The following RCHY1 variants were observed in gnomAD, a reference collection of about 807,000 sequenced individuals.
The protein encoded by RCHY1 is ring finger and CHY zinc finger domain containing 1, also known as RING finger and CHY zinc finger domain-containing protein 1.
In RCHY1, 21 loss-of-function variants were observed where a neutral mutation model predicts 41.6. The ratio of observed to expected loss-of-function variants is 0.51; its 90% CI spans 0.36 to 0.73. RCHY1 has a LOEUF of 0.73. Ranked by LOEUF, RCHY1 falls within the 30% of genes least tolerant of loss-of-function variation. The pLI is 0.00. For missense variants in RCHY1, 265 were observed against 325.3 expected (o/e 0.81, Z 1.43); for synonymous variants, 79 against 102.9 (o/e 0.77, Z 1.41).
chr4:75,508,311 T>C (rs1560530638), intron 3 of RCHY1, among the ~76,000 whole-genome samples: 1 of 152,072 alleles, frequency 6.6e-6, no homozygotes, highest in Non-Finnish European at 1.5e-5. Flanking sequence ...ATACTCGAGA[T>C]TTTTAAGAAA....
intron 4 of RCHY1, 135 bp from the exon 5 acceptor site, chr4:75,492,068 G>T: frequency 1.7e-6 from 1 of 579,190 alleles, no homozygotes; most frequent in Non-Finnish European, 2.9e-6. Flanking sequence ...CTTTTTATAT[G>T]TAAGAAGAGT....
chr4:75,482,599 ATC>A lies in RCHY1; in HGVS notation c.723_724del (p.Lys241AsnfsTer3). 6.2e-7 allele frequency: 1 copy of A among 1,612,758 alleles called. No homozygotes were observed. The highest frequency in any genetic ancestry group is 1.3e-5 in the African/African-American group (1 of 74,976). The stretch of plus-strand genomic sequence containing the variant: ...TTGAGCAGTATTATAGGATTCACAA[ATC>A]TTACATTTCATGCCTAATATATGAA... On this transcript the variant is annotated frameshift_variant, in exon 9 of 9. Transcript: ENST00000324439. LOFTEE classifies it high-confidence loss of function.
intron 3 of RCHY1, among the ~76,000 whole-genome samples, chr4:75,501,117 C>A (rs1331221232): frequency 2.6e-5 from 4 of 152,140 alleles, no homozygotes; most frequent in Non-Finnish European, 4.4e-5. Flanking sequence ...TCAAGCAATT[C>A]TCCTGCCTCA....
chr4:75,507,843 C>T lies in RCHY1; in HGVS notation c.326+977G>A, dbSNP rs913759130. ...ACATACAAAACAAAACACAAAAGAG[C>T]ATATACTATATGATTCCATTCATTA... is the stretch of plus-strand genomic sequence containing the variant. On this transcript the variant is annotated intron_variant, in intron 3 of 8. Coordinates refer to ENST00000324439, the MANE Select transcript of RCHY1 (RefSeq NM_015436.4). Among the ~76,000 whole-genome samples the T allele has an allele frequency of 9.2e-5, 14 of 152,076 alleles. No homozygotes were observed. The East Asian group carries it at 1.2e-3, about 13-fold the overall frequency.
intron 3 of RCHY1, among the ~76,000 whole-genome samples, chr4:75,503,092 C>T (rs547986877): frequency 2.0e-5 from 3 of 152,246 alleles, no homozygotes; most frequent in Non-Finnish European, 4.4e-5. Flanking sequence ...CCAGATAATA[C>T]TTTGTAGCAG....
chr4:75,510,796 A>G (rs955982792), intron 1 of RCHY1, among the ~76,000 whole-genome samples: 6 of 152,214 alleles, frequency 3.9e-5, no homozygotes, highest in African/African-American at 1.4e-4. Context: ...CAAACTCATT[A>G]CTTGTTAACA....
intron 8 of RCHY1, among the ~76,000 whole-genome samples, chr4:75,489,896 T>A (rs2867921): frequency 0.65 from 99,385 of 151,910 alleles, 33,081 homozygotes; most frequent in African/African-American, 0.78. Flanking sequence ...TTATCTCACA[T>A]TTCAGAAGGG....
chr4:75,512,568 C>T (rs1429363636), intron 1 of RCHY1, among the ~76,000 whole-genome samples: 1 of 152,102 alleles, frequency 6.6e-6, no homozygotes, highest in African/African-American at 2.4e-5. Flanking sequence ...TGTATCATTT[C>T]CTAGAATATA....
rs1721362541 is a variant in RCHY1, at chr4:75,479,493, A to G, written c.*3045T>C. ...ATATGAAAATAGGTTTTAGTGAAGA[A>G]ATAAAAACTGAGTTTGATTTTAAAA... On this transcript the variant is annotated 3_prime_UTR_variant, in exon 9 of 9. Transcript: ENST00000324439. 6.6e-6 allele frequency: 1 copy of G among 152,110 alleles called. No individual in the cohort carries two copies. The highest frequency in any genetic ancestry group is 6.5e-5 in the Admixed American group (1 of 15,268). 9.4% of individuals were successfully genotyped at this position (152,110 alleles called of 1,614,324 possible). A position where few individuals can be genotyped will look rare whatever the true frequency, so the allele number is the denominator to read the frequency against.
At position 75,494,189 on chromosome 4, in the gene RCHY1, C is replaced by G; in HGVS notation, c.327-10G>C. The G allele has an allele frequency of 6.6e-7, 1 of 1,525,658 alleles. No homozygotes were observed. The highest frequency in any genetic ancestry group is 8.9e-7 in the Non-Finnish European group (1 of 1,124,526). The allele number at this position is 1,525,658 out of a possible 1,614,324, so 94.5% of individuals were successfully genotyped here. On this transcript the variant is annotated splice_polypyrimidine_tract_variant and intron_variant, in intron 3 of 8. Coordinates refer to ENST00000324439, the MANE Select transcript of RCHY1 (RefSeq NM_015436.4). ...TTCCTTTGGACCAATCCTAGCAAAA[C>G]ACATGAAAGCCAAAAGATTAGATTA...
At chr4:75,514,589 G>A, upstream of RCHY1, 1 of 282,286 alleles carries the variant, frequency 3.5e-6, no homozygotes, top group Non-Finnish European at 6.7e-6. Flanking sequence ...GTAGTTCGGC[G>A]CGAGGTTGGC....
chr4:75,504,139 A>C (rs1215152973), intron 3 of RCHY1, among the ~76,000 whole-genome samples: 1 of 152,210 alleles, frequency 6.6e-6, no homozygotes, highest in African/African-American at 2.4e-5. Context: ...TGATGATACA[A>C]ATACAAGAAG....
chr4:75,494,497 T>G, intron 3 of RCHY1: 1 of 253,544 alleles, frequency 3.9e-6, no homozygotes, highest in Non-Finnish European at 7.4e-6. Context: ...GCAACTTTTT[T>G]TCACTTGATA....
chr4:75,507,131 C>T (rs1200628370), intron 3 of RCHY1, among the ~76,000 whole-genome samples: 1 of 151,912 alleles, frequency 6.6e-6, no homozygotes, highest in East Asian at 1.9e-4. Context: ...AAAAGAAACA[C>T]TAAAGACAAT....
chr4:75,479,093 A>G lies in RCHY1; in HGVS notation c.*3445T>C, dbSNP rs1721324394. ...TTACACAGAATGGTGAGTATAATAA[A>G]TAATGCATTGTACATTTCAAAAATA... On this transcript the variant is annotated 3_prime_UTR_variant, in exon 9 of 9. Transcript: ENST00000324439. The G allele has an allele frequency of 6.6e-6, 1 of 152,152 alleles. No individual in the cohort carries two copies. Among genetic ancestry groups the G allele is most frequent in the Non-Finnish European group, 1.5e-5 (1 of 68,002 alleles). 9.4% of individuals were successfully genotyped at this position (152,152 alleles called of 1,614,324 possible).
rs1283900432 is a variant in RCHY1, at chr4:75,479,081, T to A, written c.*3457A>T. 6 of 152,096 alleles carry A rather than the reference T, an allele frequency of 3.9e-5. No homozygotes were observed. 9.4% of individuals were successfully genotyped at this position (152,096 alleles called of 1,614,324 possible). On this transcript the variant is annotated 3_prime_UTR_variant, in exon 9 of 9. Transcript: ENST00000324439. ...TTTACTGATCTATTACACAGAATGGTGAGTATAATAAATAATGCATTGTAC... is the reference window on the plus strand; with the variant it reads ...TTTACTGATCTATTACACAGAATGGAGAGTATAATAAATAATGCATTGTAC...
In RCHY1 at chr4:75,480,456, A is replaced by C. The variant is rs545646519; in HGVS notation, c.*2082T>G. 6.6e-6 allele frequency: 1 copy of C among 152,194 alleles called. No individual in the cohort carries two copies. The highest frequency in any genetic ancestry group is 1.5e-5 in the Non-Finnish European group (1 of 68,024). 9.4% of individuals were successfully genotyped at this position (152,194 alleles called of 1,614,324 possible). Reference sequence around the variant, plus strand: ...GGAGTCAAACTTGGATCTGATTCCCAACTCCAACATATAGTGTCTGTTATT... The same window carrying C: ...GGAGTCAAACTTGGATCTGATTCCCCACTCCAACATATAGTGTCTGTTATT... On this transcript the variant is annotated 3_prime_UTR_variant, in exon 9 of 9. Coordinates refer to ENST00000324439, the MANE Select transcript of RCHY1 (RefSeq NM_015436.4).
intron 1 of RCHY1, among the ~76,000 whole-genome samples, chr4:75,513,511 G>A (rs1257674567): frequency 6.6e-6 from 1 of 152,008 alleles, no homozygotes; most frequent in Non-Finnish European, 1.5e-5. Context: ...GGGATAGGGC[G>A]GTTGAGGTTC....
chr4:75,509,056 C>T, intron 2 of RCHY1, 121 bp from the exon 3 acceptor site: 1 of 1,200,692 alleles, frequency 8.3e-7, no homozygotes, highest in Non-Finnish European at 1.2e-6. Flanking sequence ...AACACCTAAA[C>T]CAAAGATATT....
Sources: allele counts gnomAD v4.1 joint callset (sites outside exome capture counted in the v4.1 genomes callset), GRCh38; gene constraint gnomAD v4.1.1; transcripts MANE v1.5; gene names NCBI Gene and HGNC (gene_info 2026-07-23, HGNC 2026-07-21).